Variants in KLHL14 observed in about 807,000 individuals in gnomAD.
KLHL14 encodes kelch like family member 14.
A neutral mutation model predicts 64.3 loss-of-function variants in KLHL14; 22 were observed. The observed-to-expected ratio is 0.34, with a 90% confidence interval of 0.24 to 0.49. KLHL14 has a LOEUF of 0.49. Among genes scored for constraint, KLHL14 ranks in the 20% least tolerant of loss-of-function variants. The pLI is 0.99. For missense variants in KLHL14, 661 were observed against 789.0 expected, an observed-to-expected ratio of 0.84 and a Z score of 1.94; for synonymous variants, 322 against 333.4, an observed-to-expected ratio of 0.97 and a Z score of 0.37.
At chr18:32,751,942 C>A (rs1429552620) in intron 2 of KLHL14, among the ~76,000 whole-genome samples, 1 of 152,158 alleles carries the variant, frequency 6.6e-6, no homozygotes, top group Non-Finnish European at 1.5e-5. Flanking sequence ...GCCTGGCCAA[C>A]ATGGTGAAAC....
intron 2 of KLHL14, among the ~76,000 whole-genome samples, chr18:32,749,639 G>C (rs2050241537): frequency 2.0e-5 from 3 of 152,116 alleles, no homozygotes; most frequent in Admixed American, 2.0e-4. Context: ...CATAATCCAG[G>C]AGGAAGGGGC....
In KLHL14 at chr18:32,747,197, T is replaced by A. The variant is rs563133001; in HGVS notation, c.948-5148A>T. ...CTACCTAGGTTTTCTAGAGCAGTGG[T>A]CCTCAACCTTTTTGGTACCAGGGTC... On this transcript the variant is annotated intron_variant, in intron 2 of 8. Coordinates refer to ENST00000359358, the MANE Select transcript of KLHL14 (RefSeq NM_020805.3). Among the ~76,000 whole-genome samples, 530 of 152,344 alleles carry A rather than the reference T, an allele frequency of 3.5e-3. 2 individuals are homozygous for A. The Middle Eastern group carries it at 0.045, about 13-fold the overall frequency.
chr18:32,745,793 A>G (rs942565665), intron 2 of KLHL14, among the ~76,000 whole-genome samples: 1 of 152,244 alleles, frequency 6.6e-6, no homozygotes, highest in African/African-American at 2.4e-5. Context: ...TGCATATTGA[A>G]TACTGAACTT....
intron 3 of KLHL14, among the ~76,000 whole-genome samples, chr18:32,728,566 A>G (rs1370214109): frequency 6.6e-6 from 1 of 152,182 alleles, no homozygotes; most frequent in African/African-American, 2.4e-5. Context: ...TGTGAACATG[A>G]TATTATTTGG....
At chr18:32,679,703 A>T (rs982302537) in intron 7 of KLHL14, among the ~76,000 whole-genome samples, 3 of 152,206 alleles carry the variant, frequency 2.0e-5, no homozygotes, top group Non-Finnish European at 4.4e-5. Context: ...TCTTAAAAAA[A>T]TTCTAAATTT....
intron 5 of KLHL14, among the ~76,000 whole-genome samples, chr18:32,685,590 G>A (rs1479872371): frequency 6.6e-6 from 1 of 152,152 alleles, no homozygotes; most frequent in Non-Finnish European, 1.5e-5. Context: ...AAAGATACCA[G>A]GAAGCTTCGG....
chr18:32,698,630 A>G (rs1860407771), intron 3 of KLHL14, among the ~76,000 whole-genome samples: 1 of 152,184 alleles, frequency 6.6e-6, no homozygotes, highest in South Asian at 2.1e-4. Flanking sequence ...AGGGAGTAGG[A>G]GAGAGGCACT....
intron 2 of KLHL14, among the ~76,000 whole-genome samples, chr18:32,749,074 TTAAAGA>T (rs772588998): frequency 1.1e-4 from 17 of 152,200 alleles, no homozygotes; most frequent in Non-Finnish European, 1.9e-4. Context: ...GTTTTATTAC[TTAAAGA>T]TAATAAAGAG....
At chr18:32,717,557 G>A (rs543450155) in intron 3 of KLHL14, among the ~76,000 whole-genome samples, 82 of 152,234 alleles carry the variant, frequency 5.4e-4, no homozygotes, top group African/African-American at 1.9e-3. Context: ...TTGGGCATAC[G>A]TAATCCTATT....
intron 3 of KLHL14, among the ~76,000 whole-genome samples, chr18:32,739,495 A>C (rs1391098910): frequency 6.6e-6 from 1 of 152,162 alleles, no homozygotes; most frequent in Non-Finnish European, 1.5e-5. Flanking sequence ...ATAGTCTAGC[A>C]GGTAATAAAC....
At chr18:32,738,033 G>A (rs893942918) in intron 3 of KLHL14, 2 of 152,088 alleles carry the variant, frequency 1.3e-5, no homozygotes, top group African/African-American at 2.4e-5. Context: ...CAACAAAGAA[G>A]CATCTAATAA....
chr18:32,766,773 G>C (rs2050347957), intron 2 of KLHL14, among the ~76,000 whole-genome samples: 1 of 152,040 alleles, frequency 6.6e-6, no homozygotes, highest in Admixed American at 6.5e-5. Flanking sequence ...CAAGCAACAA[G>C]AGGGAACATT....
intron 2 of KLHL14, among the ~76,000 whole-genome samples, chr18:32,767,630 C>G (rs983980324): frequency 6.6e-5 from 10 of 152,158 alleles, no homozygotes; most frequent in African/African-American, 2.4e-4. Context: ...CAGCCATCCA[C>G]CAGGACAGAG....
chr18:32,761,555 A>G (rs555392935), intron 2 of KLHL14, among the ~76,000 whole-genome samples: 18 of 151,954 alleles, frequency 1.2e-4, no homozygotes, highest in African/African-American at 3.9e-4. Flanking sequence ...CTCATCTTAT[A>G]CCTTTGTTGC....
chr18:32,693,993 G>GT (rs71177867), intron 4 of KLHL14, among the ~76,000 whole-genome samples: 32,781 of 151,764 alleles, frequency 0.22, 4,031 homozygotes, highest in Non-Finnish European at 0.28. Flanking sequence ...GTTTTGTTTT[G>GT]TTTTTTTGCA....
chr18:32,741,928 T>C lies in KLHL14; in HGVS notation c.1069A>G (p.Ile357Val). ...DEKKTWKILT[I>V]MPYNSAHHCV... ...ATAAATAAATAAATAATGCACTCAC[T>C]TGTGAGTATTTTCCATGTCTTCTTT... The change falls in exon 3 of 9, where the codon ATT becomes GTT. Residue 357 changes from isoleucine (I) to valine (V), a missense_variant and splice_region_variant. By Grantham distance (29) the Ile-to-Val change is conservative. Transcript: ENST00000359358. The C allele has an allele frequency of 1.9e-6, 3 of 1,596,424 alleles. No homozygotes were observed. Among genetic ancestry groups the C allele is most frequent in the Non-Finnish European group, 2.6e-6 (3 of 1,173,976 alleles).
At chr18:32,706,898 T>TG (rs902621075) in intron 3 of KLHL14, among the ~76,000 whole-genome samples, 3 of 151,878 alleles carry the variant, frequency 2.0e-5, no homozygotes, top group Non-Finnish European at 4.4e-5. Context: ...GGCATAAGGC[T>TG]GGGGGGAAGC....
chr18:32,694,876 C>A (rs528755155), intron 4 of KLHL14, among the ~76,000 whole-genome samples: 1 of 152,092 alleles, frequency 6.6e-6, no homozygotes, highest in South Asian at 2.1e-4. Flanking sequence ...CGATTTGGGA[C>A]GTGCGTTAAA....
At position 32,738,889 on chromosome 18, in the gene KLHL14, C is replaced by T. The variant is rs115106790; in HGVS notation, c.1069+3039G>A. The stretch of plus-strand genomic sequence containing the variant: ...TATAAATAACATAATAGGATAAGAT[C>T]TAAAGAAAACTAGCCTTCCTCTTAA... On this transcript the variant is annotated intron_variant, in intron 3 of 8. Coordinates refer to ENST00000359358, the MANE Select transcript of KLHL14 (RefSeq NM_020805.3). Among the ~76,000 whole-genome samples the T allele has an allele frequency of 2.9e-3, 435 of 152,206 alleles. 2 individuals carry two copies. The highest frequency in any genetic ancestry group is 0.01 in the African/African-American group (417 of 41,514).
Sources: gnomAD v4.1 joint callset for allele counts (sites outside exome capture counted in the v4.1 genomes callset) on GRCh38, gnomAD v4.1.1 for gene constraint, MANE v1.5 for transcripts, NCBI Gene and HGNC (gene_info 2026-07-23, HGNC 2026-07-21) for gene names.